Variants in ABI3BP observed in about 807,000 individuals in gnomAD.
ABI3BP encodes the protein target of Nesh-SH3.
A neutral mutation model predicts 268.6 loss-of-function variants in ABI3BP; 216 were observed. The ratio of observed to expected loss-of-function variants is 0.80; its 90% confidence interval spans 0.72 to 0.90. The LOEUF (loss-of-function observed/expected upper bound fraction) is 0.90. Among genes scored for constraint, ABI3BP ranks in the 40% least tolerant of loss-of-function variants. The pLI is 0.00. For synonymous variants in ABI3BP, 730 were observed against 730.0 expected, an observed-to-expected ratio of 1.00 and a Z score of 0.00; for missense variants, 2,090 against 2,182.4, an observed-to-expected ratio of 0.96 and a Z score of 0.84.
chr3:100,904,264 C>A (rs969170851), intron 2 of ABI3BP, among the ~76,000 whole-genome samples: 1 of 152,132 alleles, frequency 6.6e-6, no homozygotes, highest in African/African-American at 2.4e-5. Flanking sequence ...GGGCCCCATG[C>A]TTAGAAAAGC....
intron 4 of ABI3BP, among the ~76,000 whole-genome samples, chr3:100,897,619 G>A (rs2048328800): frequency 6.6e-6 from 1 of 152,120 alleles, no homozygotes; most frequent in Non-Finnish European, 1.5e-5. Flanking sequence ...ACTAATCTAT[G>A]GTGATAGAAA....
intron 32 of ABI3BP, among the ~76,000 whole-genome samples, chr3:100,830,099 A>C (rs1414225887): frequency 1.2e-5 from 1 of 81,082 alleles, no homozygotes; most frequent in Non-Finnish European, 2.2e-5. Context: ...ATATACATAC[A>C]TACATACATA....
intron 60 of ABI3BP, among the ~76,000 whole-genome samples, chr3:100,774,984 A>T (rs904595486): frequency 6.6e-6 from 1 of 152,220 alleles, no homozygotes; most frequent in African/African-American, 2.4e-5. Flanking sequence ...TCTTTTTATG[A>T]ACCAAAGTTA....
intron 1 of ABI3BP, among the ~76,000 whole-genome samples, chr3:100,963,653 C>A (rs1230541833): frequency 6.6e-6 from 1 of 152,178 alleles, no homozygotes; most frequent in East Asian, 1.9e-4. Context: ...TATGTTAGCC[C>A]CTGTTTCTCT....
intron 2 of ABI3BP, among the ~76,000 whole-genome samples, chr3:100,914,174 G>GAA (rs10717203): frequency 6.7e-6 from 1 of 148,466 alleles, no homozygotes; most frequent in African/African-American, 2.5e-5. Context: ...TTTTCATGTG[G>GAA]AAAAAAAAAA....
intron 4 of ABI3BP, among the ~76,000 whole-genome samples, chr3:100,897,742 A>T (rs1220233449): frequency 6.6e-6 from 1 of 152,202 alleles, no homozygotes. Flanking sequence ...CTCAAACTGT[A>T]CACTAATATT....
At chr3:100,877,603 T>C (rs1013919863) in intron 6 of ABI3BP, among the ~76,000 whole-genome samples, 1 of 151,842 alleles carries the variant, frequency 6.6e-6, no homozygotes, top group African/African-American at 2.4e-5. Flanking sequence ...CCAGACATAA[T>C]CATGAGGCCA....
At position 100,875,522 on chromosome 3, in the gene ABI3BP, C is replaced by T; in HGVS notation, c.803G>A (p.Gly268Glu). 2.5e-6 allele frequency: 4 copies of T among 1,611,988 alleles called. No individual in the cohort carries two copies. The highest frequency in any genetic ancestry group is 3.4e-6 in the Non-Finnish European group (4 of 1,178,052). Residue 268 changes from glycine (G) to glutamate (E), a missense_variant, in exon 8 of 68, where the codon GGA becomes GAA. Transcript: ENST00000471714. Reference sequence around the variant, plus strand: ...GATCCACTCACCTAGTATCACTCCTCCCAGTGGAGCTTTTTCTGGGGATTT... The same window carrying T: ...GATCCACTCACCTAGTATCACTCCTTCCAGTGGAGCTTTTTCTGGGGATTT... ...SAKSPEKAPLGGVILVHLIIP... is the reference protein window; with the variant it reads ...SAKSPEKAPLEGVILVHLIIP...
chr3:100,834,078 C>T (rs990300245), intron 29 of ABI3BP, among the ~76,000 whole-genome samples: 1 of 152,122 alleles, frequency 6.6e-6, no homozygotes, highest in Non-Finnish European at 1.5e-5. Flanking sequence ...TCAAGCGATC[C>T]TCCCACCTCA....
chr3:100,800,112 G>A (rs1175475627), intron 51 of ABI3BP, among the ~76,000 whole-genome samples: 5 of 151,932 alleles, frequency 3.3e-5, no homozygotes, highest in African/African-American at 1.2e-4. Flanking sequence ...AGCATTTTCA[G>A]CATTATTCCC....
At chr3:100,839,745 A>C (rs2098663579) in intron 23 of ABI3BP, 129 bp from the exon 24 acceptor site, 2 of 1,031,316 alleles carry the variant, frequency 1.9e-6, no homozygotes. Context: ...TCCCTTTTAC[A>C]GTTCCCATTT....
intron 1 of ABI3BP, among the ~76,000 whole-genome samples, chr3:100,942,548 CCTT>C (rs1410687085): frequency 6.6e-6 from 1 of 151,938 alleles, no homozygotes; most frequent in African/African-American, 2.4e-5. Flanking sequence ...GACTCATTTC[CCTT>C]CTTTTTGTTC....
At chr3:100,797,666 A>G (rs953764105) in intron 51 of ABI3BP, among the ~76,000 whole-genome samples, 1 of 151,636 alleles carries the variant, frequency 6.6e-6, no homozygotes, top group Non-Finnish European at 1.5e-5. Context: ...GTTTTTGGGA[A>G]TCATGTTTAA....
intron 20 of ABI3BP, chr3:100,844,351 A>G: frequency 1.0e-6 from 1 of 985,448 alleles, no homozygotes; most frequent in Non-Finnish European, 1.2e-6. Context: ...GAGGTAGACA[A>G]GTTAAGACAT....
intron 9 of ABI3BP, among the ~76,000 whole-genome samples, chr3:100,869,793 G>A (rs2099092769): frequency 6.6e-6 from 1 of 152,136 alleles, no homozygotes; most frequent in Non-Finnish European, 1.5e-5. Context: ...CTTGGCAATA[G>A]GAAAGTAAAA....
intron 2 of ABI3BP, among the ~76,000 whole-genome samples, chr3:100,913,304 T>C (rs776007789): frequency 1.8e-4 from 27 of 152,130 alleles, no homozygotes; most frequent in Non-Finnish European, 2.2e-4. Context: ...GGCTCCAATA[T>C]TGTTGATGCC....
At chr3:100,763,002 G>C (rs1244794175) in intron 63 of ABI3BP, among the ~76,000 whole-genome samples, 1 of 152,130 alleles carries the variant, frequency 6.6e-6, no homozygotes, top group Non-Finnish European at 1.5e-5. Flanking sequence ...TTGATATCCT[G>C]ATGGATTTCA....
intron 32 of ABI3BP, 108 bp downstream of exon 32, chr3:100,830,470 G>T (rs1364138585): frequency 3.3e-6 from 3 of 896,542 alleles, no homozygotes; most frequent in Non-Finnish European, 5.0e-6. Flanking sequence ...AATAATAGAG[G>T]ATAACACAGA....
At chr3:100,834,616 G>A (rs2098547403) in intron 29 of ABI3BP, 68 bp downstream of exon 29, 1 of 1,449,158 alleles carries the variant, frequency 6.9e-7, no homozygotes, top group South Asian at 1.2e-5. Context: ...AAAGTGGCAT[G>A]TTAAACTGCC....
Sources: allele counts gnomAD v4.1 joint callset (sites outside exome capture counted in the v4.1 genomes callset), GRCh38; gene constraint gnomAD v4.1.1; transcripts MANE v1.5; gene names NCBI Gene and HGNC (gene_info 2026-07-23, HGNC 2026-07-21).